Variants in CRTC3 observed in about 807,000 individuals in gnomAD.
The protein encoded by CRTC3 is CREB regulated transcription coactivator 3, also known as CREB-regulated transcription coactivator 3.
Under a neutral mutation model 74.5 loss-of-function variants are expected in CRTC3, and 26 were observed. The ratio of observed to expected loss-of-function variants is 0.35; its 90% CI spans 0.26 to 0.48. The LOEUF (loss-of-function observed/expected upper bound fraction) is 0.48, where lower values mean the gene tolerates loss of function less well. Ranked by LOEUF, CRTC3 falls within the 20% of genes least tolerant of loss-of-function variation. CRTC3 has a pLI of 0.99. For synonymous variants in CRTC3, 377 were observed against 325.8 expected (o/e 1.16, Z -1.69); for missense variants, 760 against 787.3 (o/e 0.97, Z 0.41).
intron 2 of CRTC3, among the ~76,000 whole-genome samples, chr15:90,564,904 ACCTTCCTTC>A (rs1967088090): frequency 6.8e-6 from 1 of 146,364 alleles, no homozygotes; most frequent in African/African-American, 2.6e-5. Flanking sequence ...AATTTAACCA[ACCTTCCTTC>A]CTTCCTTCCT....
chr15:90,604,882 C>T (rs552679200), intron 5 of CRTC3, among the ~76,000 whole-genome samples: 51 of 152,176 alleles, frequency 3.4e-4, no homozygotes, highest in Admixed American at 2.6e-3. Context: ...CCTGACAACA[C>T]CCTACAAGAA....
At chr15:90,542,014 C>T (rs1966810997) in intron 2 of CRTC3, among the ~76,000 whole-genome samples, 1 of 151,748 alleles carries the variant, frequency 6.6e-6, no homozygotes, top group African/African-American at 2.4e-5. Flanking sequence ...GAACTCCTGA[C>T]CTCAAGTAAT....
In CRTC3 at chr15:90,607,469, C is replaced by G. The variant is rs772293561; in HGVS notation, c.568C>G (p.Pro190Ala). Reference protein sequence around the residue: ...GGGGQSAWPAPYMGFCDGENN... With the variant: ...GGGGQSAWPAAYMGFCDGENN... Reference sequence around the variant, plus strand: ...AGGGGGCCAGTCGGCCTGGCCTGCCCCATACATGGGTAAGACACACAGGCC... The same window carrying G: ...AGGGGGCCAGTCGGCCTGGCCTGCCGCATACATGGGTAAGACACACAGGCC... The change falls in exon 6 of 15, where the codon CCA (proline) becomes GCA (alanine). Residue 190 changes from proline to alanine, a missense_variant. Transcript: ENST00000268184. The G allele has an allele frequency of 2.5e-6, 4 of 1,601,766 alleles. No homozygotes were observed. Among genetic ancestry groups the G allele is most frequent in the Non-Finnish European group, 3.4e-6 (4 of 1,169,994 alleles).
At chr15:90,609,479 CAG>C (rs2151084811) in intron 6 of CRTC3, among the ~76,000 whole-genome samples, 1 of 152,294 alleles carries the variant, frequency 6.6e-6, no homozygotes, top group African/African-American at 2.4e-5. Flanking sequence ...GCCAGCTAGA[CAG>C]ACAGATTTTT....
intron 5 of CRTC3, 86 bp downstream of exon 5, chr15:90,604,533 T>C: frequency 9.7e-7 from 1 of 1,033,150 alleles, no homozygotes; most frequent in South Asian, 1.3e-5. Context: ...GTTGCCAGAG[T>C]GTGTTTATGT....
At chr15:90,598,680 G>T (rs760710419) in intron 3 of CRTC3, 4 of 618,370 alleles carry the variant, frequency 6.5e-6, no homozygotes, top group Non-Finnish European at 1.2e-5. Flanking sequence ...TAGAATTTGA[G>T]CTGTCTTGGG....
rs146160701 is a variant in CRTC3 at position 90,644,641 on chromosome 15, G to C, written c.*2501G>C. The C allele has an allele frequency of 4.3e-6, 1 of 231,962 alleles. No homozygotes were observed. The highest frequency in any genetic ancestry group is 5.6e-5 in the Admixed American group (1 of 17,720). 14.4% of individuals were successfully genotyped at this position (231,962 alleles called of 1,614,324 possible). A position where few individuals can be genotyped will look rare whatever the true frequency, so the allele number is the denominator to read the frequency against. ...TGTCCTTAGGTCTATGAGTGAGTCC[G>C]ATCTTTTCTTGTGAAAGGTTTTGGG... On this transcript the variant is annotated 3_prime_UTR_variant, in exon 15 of 15. Transcript: ENST00000268184.
At position 90,619,644 on chromosome 15, in the gene CRTC3, C is replaced by T. The variant is rs539860842; in HGVS notation, c.700-97C>T. The T allele has an allele frequency of 4.7e-4, 436 of 935,610 alleles. 1 individual carries two copies. Among genetic ancestry groups the T allele is most frequent in the Non-Finnish European group, 7.0e-4 (399 of 569,334 alleles). The allele number at this position is 935,610 out of a possible 1,614,324, so 58.0% of individuals were successfully genotyped here. A position where few individuals can be genotyped will look rare whatever the true frequency, so the allele number is the denominator to read the frequency against. On this transcript the variant is annotated intron_variant, in intron 8 of 14. Coordinates refer to ENST00000268184, the MANE Select transcript of CRTC3 (RefSeq NM_022769.5). ...CTGTCGACACGCAAGCTCTCACTTGCGCCCACTAGAGCCTCAAGGTCCTTA... is the reference window on the plus strand; with the variant it reads ...CTGTCGACACGCAAGCTCTCACTTGTGCCCACTAGAGCCTCAAGGTCCTTA...
chr15:90,623,030 T>C (rs1221697082), intron 9 of CRTC3, among the ~76,000 whole-genome samples: 1 of 151,934 alleles, frequency 6.6e-6, no homozygotes, highest in Non-Finnish European at 1.5e-5. Flanking sequence ...CTGGCAGGAG[T>C]GAGTGCTCAG....
intron 2 of CRTC3, among the ~76,000 whole-genome samples, chr15:90,588,241 C>CA (rs1468777296): frequency 6.9e-6 from 1 of 143,904 alleles, no homozygotes; most frequent in African/African-American, 2.6e-5. Flanking sequence ...GCCTGGGTGA[C>CA]AGAGTGCGAC....
In CRTC3 at chr15:90,643,809, C is replaced by G; in HGVS notation, c.*1669C>G. The G allele has an allele frequency of 4.3e-6, 1 of 232,438 alleles. No homozygotes were observed. The highest frequency in any genetic ancestry group is 6.1e-5 in the East Asian group (1 of 16,472). 14.4% of individuals were successfully genotyped at this position (232,438 alleles called of 1,614,324 possible). A position where few individuals can be genotyped will look rare whatever the true frequency, so the allele number is the denominator to read the frequency against. On this transcript the variant is annotated 3_prime_UTR_variant, in exon 15 of 15. Coordinates refer to ENST00000268184, the MANE Select transcript of CRTC3 (RefSeq NM_022769.5). ...GAGACGGAAGATGCCAGGACCTTTGCTTGGACAGCCATTGCCCTTCCAGGA... is the reference window on the plus strand; with the variant it reads ...GAGACGGAAGATGCCAGGACCTTTGGTTGGACAGCCATTGCCCTTCCAGGA...
At chr15:90,559,730 T>A (rs771799604) in intron 2 of CRTC3, among the ~76,000 whole-genome samples, 3 of 152,182 alleles carry the variant, frequency 2.0e-5, no homozygotes, top group Non-Finnish European at 4.4e-5. Context: ...GCTCAAGTGA[T>A]CCTCCCACCT....
At chr15:90,571,990 C>T (rs1967278124) in intron 2 of CRTC3, among the ~76,000 whole-genome samples, 1 of 151,916 alleles carries the variant, frequency 6.6e-6, no homozygotes, top group Admixed American at 6.6e-5. Flanking sequence ...GGTGAAATCC[C>T]ATCTCTACTG....
At chr15:90,566,566 G>A (rs1253134429) in intron 2 of CRTC3, among the ~76,000 whole-genome samples, 1 of 150,396 alleles carries the variant, frequency 6.6e-6, no homozygotes, top group South Asian at 2.1e-4. Context: ...AAAAAAAAGA[G>A]GAAGAAGAAG....
At chr15:90,541,991 G>T (rs1966810678) in intron 2 of CRTC3, among the ~76,000 whole-genome samples, 1 of 151,682 alleles carries the variant, frequency 6.6e-6, no homozygotes, top group East Asian at 1.9e-4. Context: ...CACCATGTTG[G>T]TCAATTGGTC....
Position 90,641,195 on chromosome 15 carries a change from G to A in CRTC3, c.1647G>A (p.Leu549=). The A allele has an allele frequency of 6.2e-7, 1 of 1,606,888 alleles. No homozygotes were observed. Among genetic ancestry groups the A allele is most frequent in the Non-Finnish European group, 8.5e-7 (1 of 1,173,756 alleles). The change falls in exon 14 of 15, where the codon CTG becomes CTA. Residue 549 remains leucine (L), a synonymous_variant. Coordinates refer to ENST00000268184, the MANE Select transcript of CRTC3 (RefSeq NM_022769.5). ...GCGGGAGTCTCCCGAACACCATCCTGCCAGGTGAGCGAGCTATCCCTCAGC... is the reference window on the plus strand; with the variant it reads ...GCGGGAGTCTCCCGAACACCATCCTACCAGGTGAGCGAGCTATCCCTCAGC... ...SNCGSLPNTI[L]PEDSSTSLFK... is the part of the protein sequence containing the mutation.
chr15:90,553,420 G>T (rs966033668), intron 2 of CRTC3, among the ~76,000 whole-genome samples: 1 of 152,176 alleles, frequency 6.6e-6, no homozygotes, highest in African/African-American at 2.4e-5. Context: ...CTGTGACCAA[G>T]AATATGGTTG....
intron 2 of CRTC3, among the ~76,000 whole-genome samples, chr15:90,564,236 A>C (rs1404430957): frequency 2.6e-5 from 4 of 152,240 alleles, no homozygotes; most frequent in Non-Finnish European, 4.4e-5. Context: ...TTGTTGAATT[A>C]CTAAAACAGA....
chr15:90,591,374 C>T (rs1006553944), intron 2 of CRTC3, among the ~76,000 whole-genome samples: 5 of 152,096 alleles, frequency 3.3e-5, no homozygotes, highest in African/African-American at 9.7e-5. Context: ...CCCACCTCCG[C>T]CTCCCAAAGT....
Sources: gnomAD v4.1 joint callset for allele counts (sites outside exome capture counted in the v4.1 genomes callset) on GRCh38, gnomAD v4.1.1 for gene constraint, MANE v1.5 for transcripts, NCBI Gene and HGNC (gene_info 2026-07-23, HGNC 2026-07-21) for gene names.